Variants in RAB11A observed in about 807,000 individuals in gnomAD.
The protein encoded by RAB11A is RAB11A, member RAS oncogene family.
RAB11A carries 9 observed loss-of-function variants against 28.0 expected under a neutral mutation model. That is an observed-to-expected ratio of 0.32 (90% CI 0.19 to 0.56). The LOEUF (loss-of-function observed/expected upper bound fraction) is 0.56, where lower values mean the gene tolerates loss of function less well. Ranked by LOEUF, RAB11A falls within the 20% of genes least tolerant of loss-of-function variation. The pLI, the probability that RAB11A is intolerant of heterozygous loss-of-function variation, is 0.91. For missense variants in RAB11A, 108 were observed against 269.6 expected (o/e 0.40, Z 4.20); for synonymous variants, 85 against 88.2 (o/e 0.96, Z 0.20).
Position 65,884,852 on chromosome 15 carries a change from G to C in RAB11A, c.512-2849G>C, listed in dbSNP as rs1047417996. On this transcript the variant is annotated intron_variant, in intron 4 of 4. Coordinates refer to ENST00000261890, the MANE Select transcript of RAB11A (RefSeq NM_004663.5). ...ATTAGAGAAGGTTATTTCATTGGGA[G>C]TTTTGTGGGGGTGGGGGGGTATGCT... is the stretch of plus-strand genomic sequence containing the variant. Among the ~76,000 whole-genome samples, 5 of 150,914 alleles carry C rather than the reference G, an allele frequency of 3.3e-5. No homozygotes were observed. The South Asian group carries it at 8.4e-4, about 25-fold the overall frequency.
At chr15:65,879,592 T>A in intron 3 of RAB11A, 79 bp from the exon 4 acceptor site, 1 of 1,112,898 alleles carries the variant, frequency 9.0e-7, no homozygotes, top group Non-Finnish European at 1.3e-6. Flanking sequence ...GTTCTGTTAT[T>A]TTTCCTTTTG....
At chr15:65,879,135 G>C (rs2078206122) in intron 3 of RAB11A, among the ~76,000 whole-genome samples, 1 of 151,838 alleles carries the variant, frequency 6.6e-6, no homozygotes, top group South Asian at 2.1e-4. Flanking sequence ...TGAGACTGCT[G>C]GTGTGTGTCA....
intron 4 of RAB11A, among the ~76,000 whole-genome samples, chr15:65,882,263 C>T (rs1448322811): frequency 1.3e-5 from 2 of 152,222 alleles, no homozygotes. Flanking sequence ...TGGCAGCAGA[C>T]ATCTGTGTTG....
At chr15:65,886,679 A>G (rs573869090) in intron 4 of RAB11A, among the ~76,000 whole-genome samples, 1 of 152,310 alleles carries the variant, frequency 6.6e-6, no homozygotes, top group East Asian at 1.9e-4. Context: ...ACATACAGAT[A>G]CTTATTGTGG....
chr15:65,882,040 G>C (rs2078226360), intron 4 of RAB11A, among the ~76,000 whole-genome samples: 1 of 152,042 alleles, frequency 6.6e-6, no homozygotes, highest in African/African-American at 2.4e-5. Context: ...GGCAGAGTGA[G>C]ATCCTGTCTC....
rs1043334436 is a variant in RAB11A at position 65,891,041 on chromosome 15, C to T, written c.*3201C>T. 1 of 152,108 alleles carries T rather than the reference C, an allele frequency of 6.6e-6. No individual in the cohort carries two copies. The highest frequency in any genetic ancestry group is 1.5e-5 in the Non-Finnish European group (1 of 68,022). 9.4% of individuals were successfully genotyped at this position (152,108 alleles called of 1,614,324 possible). On this transcript the variant is annotated 3_prime_UTR_variant, in exon 5 of 5. Transcript: ENST00000261890. ...TCCACCACATCATTTAATGGGTTAG[C>T]GGAACAGATAGGGAGCTATGACACT...
At chr15:65,887,584 TCTGTTCAGTTTC>T in intron 4 of RAB11A, 105 bp from the exon 5 acceptor site, 4 of 962,540 alleles carry the variant, frequency 4.2e-6, no homozygotes, top group Non-Finnish European at 4.4e-6. Flanking sequence ...TTATGTATTC[TCTGTTCAGTTTC>T]CTTAGGGACT....
At chr15:65,874,485 C>T (rs559313264) in intron 1 of RAB11A, among the ~76,000 whole-genome samples, 70 of 152,236 alleles carry the variant, frequency 4.6e-4, no homozygotes, top group Non-Finnish European at 6.5e-4. Flanking sequence ...AGGTGATCCA[C>T]CCTCCTTGGC....
rs138490266 is a variant in RAB11A, at chr15:65,870,115, C to T, written c.40+490C>T. The T allele has an allele frequency of 9.4e-3, 1,435 of 153,266 alleles. 23 individuals carry two copies. The highest frequency in any genetic ancestry group is 0.057 in the South Asian group (282 of 4,964). 9.5% of individuals were successfully genotyped at this position (153,266 alleles called of 1,614,324 possible). A position where few individuals can be genotyped will look rare whatever the true frequency, so the allele number is the denominator to read the frequency against. On this transcript the variant is annotated intron_variant, in intron 1 of 4. Coordinates refer to ENST00000261890, the MANE Select transcript of RAB11A (RefSeq NM_004663.5). Reference sequence around the variant, plus strand: ...TTTTCTTATCTGCCCTCTTTCCCCCCTCGAGCGAGCGTCTCTTCTGTATCT... The same window carrying T: ...TTTTCTTATCTGCCCTCTTTCCCCCTTCGAGCGAGCGTCTCTTCTGTATCT...
At chr15:65,871,985 G>A (rs188245616) in intron 1 of RAB11A, among the ~76,000 whole-genome samples, 153 of 133,440 alleles carry the variant, frequency 1.1e-3, no homozygotes, top group African/African-American at 4.2e-3. Context: ...AGGCTGGAGT[G>A]CAGTGGCACA....
chr15:65,869,525 G>T lies in RAB11A; in HGVS notation c.-61G>T. ...TCGGCGCTCGGGTTACCCCTGCAGC[G>T]ACGCCCCCTGGTCCCACAGATACCA... On this transcript the variant is annotated 5_prime_UTR_variant, in exon 1 of 5. Transcript: ENST00000261890. 1.9e-6 allele frequency: 3 copies of T among 1,587,148 alleles called. No individual in the cohort carries two copies. Among genetic ancestry groups the T allele is most frequent in the East Asian group, 2.3e-5 (1 of 44,426 alleles).
chr15:65,889,298 A>G lies in RAB11A; in HGVS notation c.*1458A>G, dbSNP rs2078272550. The G allele has an allele frequency of 6.6e-6, 1 of 152,202 alleles. No homozygotes were observed. Among genetic ancestry groups the G allele is most frequent in the South Asian group, 2.1e-4 (1 of 4,834 alleles). The allele number at this position is 152,202 out of a possible 1,614,324, so 9.4% of individuals were successfully genotyped here. ...TAGTCAGTCATTTTGGTTTTCTTCT[A>G]TAGCCATTTTATTATTTTAGTGTAT... On this transcript the variant is annotated 3_prime_UTR_variant, in exon 5 of 5. Coordinates refer to ENST00000261890, the MANE Select transcript of RAB11A (RefSeq NM_004663.5).
rs947171685 is a variant in RAB11A, at chr15:65,891,344, T to C, written c.*3504T>C. On this transcript the variant is annotated 3_prime_UTR_variant, in exon 5 of 5. Transcript: ENST00000261890. ...GTTATCTATTCTCCTGAAAAGTGAA[T>C]TGGAGAATAAAGAAAGAATATTTGA... 4 of 152,222 alleles carry C rather than the reference T, an allele frequency of 2.6e-5. No homozygotes were observed. The highest frequency in any genetic ancestry group is 4.8e-5 in the African/African-American group (2 of 41,450). 9.4% of individuals were successfully genotyped at this position (152,222 alleles called of 1,614,324 possible).
At chr15:65,886,713 GTTAT>G (rs970491821) in intron 4 of RAB11A, among the ~76,000 whole-genome samples, 3 of 152,152 alleles carry the variant, frequency 2.0e-5, no homozygotes, top group African/African-American at 7.2e-5. Flanking sequence ...CATTCATGCG[GTTAT>G]TTATTTATCA....
At chr15:65,879,892 G>A in intron 4 of RAB11A, 141 bp downstream of exon 4, 1 of 605,712 alleles carries the variant, frequency 1.7e-6, no homozygotes, top group Non-Finnish European at 2.7e-6. Context: ...GCTGTTTAGA[G>A]TGCAAAATTA....
chr15:65,872,400 A>G lies in RAB11A; in HGVS notation c.40+2775A>G, dbSNP rs79292250. Reference sequence around the variant, plus strand: ...TGTTGTGCATTTTGCTGTTTAAGATAGGGTGTTAAAAATTCTGCTAAGGAG... The same window carrying G: ...TGTTGTGCATTTTGCTGTTTAAGATGGGGTGTTAAAAATTCTGCTAAGGAG... On this transcript the variant is annotated intron_variant, in intron 1 of 4. Coordinates refer to ENST00000261890, the MANE Select transcript of RAB11A (RefSeq NM_004663.5). 7.9e-5 allele frequency among the ~76,000 whole-genome samples: 12 copies of G among 151,038 alleles called. No individual in the cohort carries two copies. The East Asian group carries it at 2.1e-3, about 27-fold the overall frequency.
At chr15:65,869,720 T>G (rs750558030) in intron 1 of RAB11A, 95 bp downstream of exon 1, 3 of 1,301,414 alleles carry the variant, frequency 2.3e-6, no homozygotes, top group Admixed American at 2.0e-5. Flanking sequence ...TGCACTGATA[T>G]AGGCCTCCCT....
chr15:65,878,047 A>G, intron 3 of RAB11A, 92 bp downstream of exon 3: 4 of 1,231,118 alleles, frequency 3.2e-6, no homozygotes, highest in Non-Finnish European at 4.8e-6. Context: ...ATAGTTTCAG[A>G]GAGGTAAACA....
rs199797859 is a variant in RAB11A at position 65,887,309 on chromosome 15, G to A, written c.512-392G>A. On this transcript the variant is annotated intron_variant, in intron 4 of 4. Coordinates refer to ENST00000261890, the MANE Select transcript of RAB11A (RefSeq NM_004663.5). ...CTGCCTCAGCCTCCCGAGTAGCTGG[G>A]ATTACAGGCACCCACCATCATGCTT... Among the ~76,000 whole-genome samples the A allele has an allele frequency of 3.3e-5, 5 of 152,166 alleles. No homozygotes were observed. The East Asian group carries it at 9.7e-4, about 29-fold the overall frequency.
Sources: gnomAD v4.1 joint callset for allele counts (sites outside exome capture counted in the v4.1 genomes callset) on GRCh38, gnomAD v4.1.1 for gene constraint, MANE v1.5 for transcripts, NCBI Gene and HGNC (gene_info 2026-07-23, HGNC 2026-07-21) for gene names.